Variants in DRC2 observed in about 807,000 individuals in gnomAD.
The protein encoded by DRC2 is dynein regulatory complex subunit 2, also known as coiled-coil domain containing 65.
chr12:48,918,473 G>C, the DRC2 span: 4 of 1,613,524 alleles, frequency 2.5e-6, no homozygotes, highest in Middle Eastern at 1.6e-4. Context: ...GAAACTACAG[G>C]TTAGTGTAGC....
At chr12:48,911,687 A>T in the DRC2 span, among the ~76,000 whole-genome samples, 1 of 152,102 alleles carries the variant, frequency 6.6e-6, no homozygotes, top group Admixed American at 6.6e-5. Flanking sequence ...CTTGGCCTCA[A>T]ACCCTTGCTT....
At chr12:48,921,093 G>A in the DRC2 span, 1 of 1,610,790 alleles carries the variant, frequency 6.2e-7, no homozygotes, top group Non-Finnish European at 8.5e-7. Flanking sequence ...GTAAAGCCCG[G>A]GGGATGGTGG....
At chr12:48,910,902 G>A in the DRC2 span, among the ~76,000 whole-genome samples, 19,617 of 152,082 alleles carry the variant, frequency 0.13, 1,896 homozygotes, top group African/African-American at 0.27. Flanking sequence ...TAAATTAGCC[G>A]GGCATGGTGG....
At chr12:48,908,631 G>T in the DRC2 span, among the ~76,000 whole-genome samples, 2 of 144,566 alleles carry the variant, frequency 1.4e-5, no homozygotes, top group African/African-American at 2.5e-5. Context: ...TTTATTTTTA[G>T]ACAGAGTCAC....
the DRC2 span, chr12:48,918,855 C>G: frequency 6.2e-7 from 1 of 1,614,036 alleles, no homozygotes; most frequent in Admixed American, 1.7e-5. Flanking sequence ...TCAGACTCAC[C>G]CTGGAAAGTA....
the DRC2 span, chr12:48,921,246 C>T: frequency 1.2e-6 from 2 of 1,614,208 alleles, no homozygotes; most frequent in Non-Finnish European, 8.5e-7. Flanking sequence ...GAGCCTCCAA[C>T]ATAGACGAGC....
the DRC2 span, among the ~76,000 whole-genome samples, chr12:48,916,345 C>T: frequency 6.6e-6 from 1 of 152,224 alleles, no homozygotes. Context: ...CGTCTGCAAT[C>T]CCGGCACCTC....
chr12:48,921,499 AT>A, the DRC2 span: 1 of 1,532,034 alleles, frequency 6.5e-7, no homozygotes, highest in East Asian at 2.3e-5. Context: ...AAGGAAAAAA[AT>A]CTTTCAACTC....
At chr12:48,920,908 A>C in the DRC2 span, 2 of 1,592,804 alleles carry the variant, frequency 1.3e-6, no homozygotes. Flanking sequence ...CCTAATATAA[A>C]CTCTCTTCCC....
chr12:48,916,541 A>G, the DRC2 span, among the ~76,000 whole-genome samples: 5 of 152,220 alleles, frequency 3.3e-5, no homozygotes, highest in African/African-American at 1.2e-4. Flanking sequence ...GTGAGCCGAG[A>G]TGGCAGCAGT....
At chr12:48,904,971 A>G in the DRC2 span, 14 of 1,611,302 alleles carry the variant, frequency 8.7e-6, no homozygotes, top group Admixed American at 1.7e-5. Flanking sequence ...GAGGAACACA[A>G]CAGTGCTCTG....
the DRC2 span, chr12:48,921,372 C>G: frequency 6.2e-7 from 1 of 1,614,148 alleles, no homozygotes; most frequent in Non-Finnish European, 8.5e-7. Flanking sequence ...AGTCAACTAT[C>G]AAAGCAACTT....
chr12:48,918,913 G>C, the DRC2 span: 1 of 1,579,964 alleles, frequency 6.3e-7, no homozygotes, highest in Non-Finnish European at 8.6e-7. Flanking sequence ...GGTAACACAG[G>C]GGAGAGGACT....
the DRC2 span, among the ~76,000 whole-genome samples, chr12:48,909,336 A>G: frequency 6.6e-6 from 1 of 151,672 alleles, no homozygotes; most frequent in Non-Finnish European, 1.5e-5. Context: ...GAGCCACCAC[A>G]CCTGGCCTCT....
At chr12:48,913,183 A>C in the DRC2 span, among the ~76,000 whole-genome samples, 17 of 151,172 alleles carry the variant, frequency 1.1e-4, no homozygotes, top group African/African-American at 3.9e-4. Context: ...TATTTTCTGC[A>C]TCAGGCCTCA....
At chr12:48,915,680 A>G in the DRC2 span, among the ~76,000 whole-genome samples, 1 of 141,762 alleles carries the variant, frequency 7.1e-6, no homozygotes, top group Non-Finnish European at 1.5e-5. Flanking sequence ...ACTTCCCAGT[A>G]GGGGCGGCCG....
At chr12:48,920,448 A>ATT in the DRC2 span, among the ~76,000 whole-genome samples, 30 of 134,646 alleles carry the variant, frequency 2.2e-4, no homozygotes, top group Non-Finnish European at 3.8e-4. Flanking sequence ...TCTTAAAAAA[A>ATT]AAAAAAAAAA....
the DRC2 span, among the ~76,000 whole-genome samples, chr12:48,907,339 A>G: frequency 1.3e-5 from 2 of 152,200 alleles, no homozygotes; most frequent in Non-Finnish European, 2.9e-5. Flanking sequence ...GGTCATCGCC[A>G]AGATCTGATT....
At chr12:48,921,315 A>G in the DRC2 span, 1 of 1,614,238 alleles carries the variant, frequency 6.2e-7, no homozygotes, top group Admixed American at 1.7e-5. Flanking sequence ...CTTGGATGGC[A>G]TCTCAGTGAG....
Sources: gnomAD v4.1 joint callset for allele counts (sites outside exome capture counted in the v4.1 genomes callset) on GRCh38, gnomAD v4.1.1 for gene constraint, MANE v1.5 for transcripts, NCBI Gene and HGNC (gene_info 2026-07-23, HGNC 2026-07-21) for gene names.